Variants in CNTNAP2 observed in about 807,000 individuals in gnomAD.
CNTNAP2 encodes contactin associated protein 2.
In CNTNAP2, 98 loss-of-function variants were observed where a neutral mutation model predicts 155.2. The ratio of observed to expected loss-of-function variants is 0.63; its 90% CI spans 0.54 to 0.75. CNTNAP2 has a LOEUF of 0.75. CNTNAP2 is among the 30% of genes least tolerant of loss of function. CNTNAP2 has a pLI of 0.00. For missense variants in CNTNAP2, 1,727 were observed against 1,688.1 expected (o/e 1.02, Z -0.40); for synonymous variants, 651 against 631.2 (o/e 1.03, Z -0.47).
intron 3 of CNTNAP2, among the ~76,000 whole-genome samples, chr7:146,898,783 G>GA (rs1200090783): frequency 4.6e-5 from 7 of 151,404 alleles, no homozygotes; most frequent in African/African-American, 7.3e-5. Flanking sequence ...TACATGCAAT[G>GA]AAAAAAAAGA....
intron 1 of CNTNAP2, among the ~76,000 whole-genome samples, chr7:146,579,476 A>G (rs1372515147): frequency 6.6e-6 from 1 of 152,124 alleles, no homozygotes; most frequent in African/African-American, 2.4e-5. Flanking sequence ...ATGCCAGCCC[A>G]CTGAGAAGTT....
intron 1 of CNTNAP2, among the ~76,000 whole-genome samples, chr7:146,718,805 G>C (rs1186701741): frequency 6.6e-6 from 1 of 151,098 alleles, no homozygotes; most frequent in Non-Finnish European, 1.5e-5. Flanking sequence ...TCTCCAAGAA[G>C]TTTGCTTTGT....
At chr7:148,164,062 C>T (rs1488230766) in intron 17 of CNTNAP2, among the ~76,000 whole-genome samples, 2 of 152,094 alleles carry the variant, frequency 1.3e-5, no homozygotes, top group Non-Finnish European at 2.9e-5. Flanking sequence ...AGCCTCCCAA[C>T]AAGCTGGGAT....
At chr7:146,453,251 T>C (rs765376367) in intron 1 of CNTNAP2, among the ~76,000 whole-genome samples, 6 of 152,190 alleles carry the variant, frequency 3.9e-5, no homozygotes, top group Non-Finnish European at 8.8e-5. Context: ...AAAGGAACAA[T>C]TCCTGAAGCT....
chr7:147,504,011 A>G (rs929822393), intron 11 of CNTNAP2, among the ~76,000 whole-genome samples: 3 of 152,228 alleles, frequency 2.0e-5, no homozygotes, highest in Non-Finnish European at 4.4e-5. Flanking sequence ...GCTGAGGTTC[A>G]AAGTTCATGG....
chr7:148,229,823 T>G (rs1230416298), intron 20 of CNTNAP2, 44 bp downstream of exon 20: 2 of 1,610,172 alleles, frequency 1.2e-6, no homozygotes, highest in African/African-American at 1.3e-5. Context: ...TATCGCATTA[T>G]AGTCCCTGTC....
chr7:146,907,356 A>C (rs1051941613), intron 3 of CNTNAP2, among the ~76,000 whole-genome samples: 5 of 147,656 alleles, frequency 3.4e-5, no homozygotes, highest in Non-Finnish European at 7.4e-5. Context: ...TGTCAGATTC[A>C]CCGAAGTTGA....
At chr7:147,980,933 C>CAAAAAAAAAAAAAAAAAAAAAAAAAAA (rs34927518) in intron 15 of CNTNAP2, among the ~76,000 whole-genome samples, 1 of 94,006 alleles carries the variant, frequency 1.1e-5, no homozygotes. Flanking sequence ...TCCATCTTAA[C>CAAAAAAAAAAAAAAAAAAAAAAAAAAA]AAAAAAAAAA....
At chr7:148,055,098 G>A (rs1169317341) in intron 15 of CNTNAP2, among the ~76,000 whole-genome samples, 2 of 151,848 alleles carry the variant, frequency 1.3e-5, no homozygotes, top group Non-Finnish European at 2.9e-5. Context: ...TGGCCAGGTT[G>A]GTCTCAAACT....
chr7:147,393,774 A>C (rs826831), intron 9 of CNTNAP2, among the ~76,000 whole-genome samples: 1 of 151,756 alleles, frequency 6.6e-6, no homozygotes, highest in Admixed American at 6.6e-5. Context: ...AGAGCCTTAC[A>C]TGGATTTTTT....
chr7:146,369,029 GTATATA>G (rs71525943), intron 1 of CNTNAP2, among the ~76,000 whole-genome samples: 2,273 of 137,342 alleles, frequency 0.017, 58 homozygotes, highest in African/African-American at 0.057. Context: ...AAAGCATTAT[GTATATA>G]TATATATATA....
chr7:147,985,793 A>G (rs1312315011), intron 15 of CNTNAP2, among the ~76,000 whole-genome samples: 1 of 152,188 alleles, frequency 6.6e-6, no homozygotes, highest in African/African-American at 2.4e-5. Flanking sequence ...AAGAAAAATA[A>G]TACATCAGAG....
intron 1 of CNTNAP2, among the ~76,000 whole-genome samples, chr7:146,394,643 T>A (rs1187614726): frequency 6.6e-6 from 1 of 152,154 alleles, no homozygotes; most frequent in East Asian, 1.9e-4. Flanking sequence ...TATCTCCCCA[T>A]GAATAATAAA....
intron 1 of CNTNAP2, among the ~76,000 whole-genome samples, chr7:146,543,385 C>T (rs147979430): frequency 6.6e-6 from 1 of 151,870 alleles, no homozygotes; most frequent in African/African-American, 2.4e-5. Context: ...ATACCCCATA[C>T]CCAAGAACAT....
chr7:147,458,391 T>C (rs1452898323), intron 10 of CNTNAP2, among the ~76,000 whole-genome samples: 5 of 152,020 alleles, frequency 3.3e-5, no homozygotes, highest in African/African-American at 9.7e-5. Flanking sequence ...CAAGCAAAAG[T>C]CTACTTATTG....
intron 1 of CNTNAP2, among the ~76,000 whole-genome samples, chr7:146,636,016 A>G (rs1265361531): frequency 4.6e-5 from 7 of 152,122 alleles, no homozygotes; most frequent in African/African-American, 1.7e-4. Context: ...TAAACAGTAC[A>G]TTATGAGACT....
intron 3 of CNTNAP2, among the ~76,000 whole-genome samples, chr7:146,894,856 A>G (rs1795844701): frequency 6.6e-6 from 1 of 152,176 alleles, no homozygotes; most frequent in African/African-American, 2.4e-5. Flanking sequence ...TGACTGAAGA[A>G]TATTTAATAA....
intron 9 of CNTNAP2, among the ~76,000 whole-genome samples, chr7:147,318,037 T>A (rs2116813193): frequency 6.6e-6 from 1 of 152,272 alleles, no homozygotes; most frequent in Admixed American, 6.5e-5. Context: ...CTTTCTTTTT[T>A]CGTTAAAATT....
At chr7:147,543,481 A>G (rs1301728688) in intron 11 of CNTNAP2, among the ~76,000 whole-genome samples, 7 of 152,226 alleles carry the variant, frequency 4.6e-5, no homozygotes. Context: ...CCCAAAAATG[A>G]CACCTACCTT....
Sources: allele counts gnomAD v4.1 joint callset (sites outside exome capture counted in the v4.1 genomes callset), GRCh38; gene constraint gnomAD v4.1.1; transcripts MANE v1.5; gene names NCBI Gene and HGNC (gene_info 2026-07-23, HGNC 2026-07-21).